The following RANBP2 variants were observed in gnomAD, a reference collection of about 807,000 sequenced individuals.
The protein encoded by RANBP2 is RAN binding protein 2, also known as E3 SUMO-protein ligase RanBP2.
RANBP2 carries 57 observed loss-of-function variants against 303.6 expected under a neutral mutation model. The ratio of observed to expected loss-of-function variants is 0.19; its 90% CI spans 0.15 to 0.23. The LOEUF is 0.23. Ranked by LOEUF, RANBP2 falls within the 10% of genes least tolerant of loss-of-function variation. The pLI is 1.00. For missense variants in RANBP2, 3,138 were observed against 3,780.8 expected, an observed-to-expected ratio of 0.83 and a Z score of 4.46; for synonymous variants, 1,167 against 1,301.5, an observed-to-expected ratio of 0.90 and a Z score of 2.23.
the RANBP2 span, among the ~76,000 whole-genome samples, chr2:109,378,443 C>G: frequency 7.8e-3 from 1,189 of 152,312 alleles, 12 homozygotes; most frequent in African/African-American, 0.028. Flanking sequence ...GACTCTTAAT[C>G]TTGCCTATGA....
At chr2:108,794,654 G>A in the RANBP2 span, 15 of 1,613,912 alleles carry the variant, frequency 9.3e-6, no homozygotes, top group East Asian at 6.7e-5. Context: ...TCAGACAAGC[G>A]GAGTTTACTT....
At chr2:109,199,627 T>TCAACCC in the RANBP2 span, among the ~76,000 whole-genome samples, 1 of 94 alleles carries the variant, frequency 0.011, no homozygotes, top group African/African-American at 0.036. Context: ...TGGAATGGAA[T>TCAACCC]GGAATGGAAT....
the RANBP2 span, among the ~76,000 whole-genome samples, chr2:109,114,948 T>C: frequency 1.3e-5 from 2 of 152,200 alleles, no homozygotes; most frequent in East Asian, 3.8e-4. Context: ...CAGTTTTGAG[T>C]GAGTTTCTTA....
the RANBP2 span, among the ~76,000 whole-genome samples, chr2:108,811,245 C>CTTTTTTTTTTTTTTT: frequency 3.6e-5 from 4 of 109,610 alleles, no homozygotes; most frequent in East Asian, 2.4e-4. Flanking sequence ...CTTTCTCTCT[C>CTTTTTTTTTTTTTTT]TCTTTTTTTT....
At chr2:108,798,556 G>A in the RANBP2 span, 1 of 1,611,854 alleles carries the variant, frequency 6.2e-7, no homozygotes, top group Non-Finnish European at 8.5e-7. Flanking sequence ...TTGAAGAAGA[G>A]GTTCTTACAA....
At chr2:109,517,429 G>A in the RANBP2 span, among the ~76,000 whole-genome samples, 6 of 152,138 alleles carry the variant, frequency 3.9e-5, no homozygotes, top group Non-Finnish European at 7.4e-5. Flanking sequence ...GGAAGCTGCC[G>A]AACCACCGCA....
chr2:109,574,739 C>G, the RANBP2 span: 4 of 1,596,648 alleles, frequency 2.5e-6, no homozygotes, highest in Non-Finnish European at 3.4e-6. Flanking sequence ...TCAAACTGAG[C>G]ATCTATGTAG....
chr2:109,582,360 C>T, the RANBP2 span, among the ~76,000 whole-genome samples: 1 of 152,076 alleles, frequency 6.6e-6, no homozygotes, highest in East Asian at 1.9e-4. Context: ...CTCTGTCCAC[C>T]CAGGCTGGAA....
intron 20 of RANBP2, among the ~76,000 whole-genome samples, chr2:108,769,577 C>T (rs1677351960): frequency 6.6e-6 from 1 of 151,046 alleles, no homozygotes; most frequent in Non-Finnish European, 1.5e-5. Context: ...TCTGCTATTT[C>T]AGGTCTGCTC....
chr2:109,486,489 A>T, the RANBP2 span, among the ~76,000 whole-genome samples: 1 of 152,246 alleles, frequency 6.6e-6, no homozygotes, highest in Non-Finnish European at 1.5e-5. Flanking sequence ...AAACTATTTA[A>T]TATTCAGAGA....
At chr2:109,030,619 G>A in the RANBP2 span, among the ~76,000 whole-genome samples, 1 of 152,178 alleles carries the variant, frequency 6.6e-6, no homozygotes, top group South Asian at 2.1e-4. Context: ...TAAGCAGAAG[G>A]CTCCTTCTAG....
the RANBP2 span, among the ~76,000 whole-genome samples, chr2:109,212,730 C>T: frequency 6.6e-6 from 1 of 152,240 alleles, no homozygotes; most frequent in African/African-American, 2.4e-5. Flanking sequence ...GACCCATTCT[C>T]TCTTTGCCCG....
the RANBP2 span, among the ~76,000 whole-genome samples, chr2:109,132,935 TCAGA>T: frequency 6.6e-6 from 1 of 152,260 alleles, no homozygotes; most frequent in Non-Finnish European, 1.5e-5. Flanking sequence ...GACTTGAATA[TCAGA>T]CAATTCCAAT....
chr2:108,827,032 T>C, the RANBP2 span, among the ~76,000 whole-genome samples: 1 of 152,228 alleles, frequency 6.6e-6, no homozygotes, highest in Non-Finnish European at 1.5e-5. Flanking sequence ...CTTAAATTCA[T>C]TTTTGGATTG....
the RANBP2 span, among the ~76,000 whole-genome samples, chr2:109,412,759 A>G: frequency 6.6e-6 from 1 of 152,276 alleles, no homozygotes; most frequent in South Asian, 2.1e-4. Flanking sequence ...ATTAAAGTGT[A>G]GATTAAAAAA....
the RANBP2 span, among the ~76,000 whole-genome samples, chr2:109,144,321 C>T: frequency 2.0e-5 from 3 of 152,124 alleles, no homozygotes; most frequent in Admixed American, 2.0e-4. Flanking sequence ...TGTTATACCT[C>T]AATAAAACAG....
At chr2:108,739,701 A>G (rs907909884) in intron 6 of RANBP2, among the ~76,000 whole-genome samples, 15 of 152,184 alleles carry the variant, frequency 9.9e-5, no homozygotes, top group Non-Finnish European at 1.9e-4. Context: ...ATTACAAATA[A>G]TAGGCCAGGC....
chr2:109,024,741 C>T, the RANBP2 span, among the ~76,000 whole-genome samples: 10,871 of 152,124 alleles, frequency 0.071, 396 homozygotes, highest in African/African-American at 0.084. Context: ...GACGTGTGCA[C>T]CTGGGGACAA....
the RANBP2 span, among the ~76,000 whole-genome samples, chr2:109,193,853 C>T: frequency 1.3e-5 from 2 of 152,108 alleles, no homozygotes; most frequent in Admixed American, 1.3e-4. Flanking sequence ...CGTCTAGCCC[C>T]GGGGATGGGT....
Sources: gnomAD v4.1 joint callset for allele counts (sites outside exome capture counted in the v4.1 genomes callset) on GRCh38, gnomAD v4.1.1 for gene constraint, MANE v1.5 for transcripts, NCBI Gene and HGNC (gene_info 2026-07-23, HGNC 2026-07-21) for gene names.